BTD: variants seen among roughly 807,000 people sequenced by gnomAD.
The protein encoded by BTD is biotinidase.
BTD carries 13 observed loss-of-function variants against 17.7 expected under a neutral mutation model. That is an observed-to-expected ratio of 0.74 (90% CI 0.48 to 1.17). The LOEUF (loss-of-function observed/expected upper bound fraction) is 1.17, where lower values mean the gene tolerates loss of function less well. Among genes scored for constraint, BTD ranks in the 50% most tolerant of loss-of-function variants. The pLI, the probability that BTD is intolerant of heterozygous loss-of-function variation, is 0.00. For missense variants in BTD, 674 were observed against 650.4 expected (o/e 1.04, Z -0.39); for synonymous variants, 240 against 245.2 (o/e 0.98, Z 0.20).
intron 3 of BTD, among the ~76,000 whole-genome samples, chr3:15,680,894 A>G (rs545068296): frequency 1.3e-5 from 2 of 152,110 alleles, no homozygotes; most frequent in Admixed American, 1.3e-4. Flanking sequence ...CTTGAATCCC[A>G]GAGCTCAAGT....
chr3:15,711,068 C>T (rs575732816), exon 4 of BTD: 37 of 626,138 alleles, frequency 5.9e-5, no homozygotes, highest in Admixed American at 3.0e-4. Context: ...ATTCTGCCAC[C>T]CTGGACTTTT....
chr3:15,709,950 C>T (rs1456253303), intron 3 of BTD, among the ~76,000 whole-genome samples: 4 of 151,974 alleles, frequency 2.6e-5, no homozygotes, highest in Admixed American at 2.0e-4. Flanking sequence ...GGAAATAACA[C>T]ACGATTCATG....
chr3:15,654,356 A>G (rs2065849664), downstream of BTD, among the ~76,000 whole-genome samples: 1 of 152,052 alleles, frequency 6.6e-6, no homozygotes, highest in Non-Finnish European at 1.5e-5. Context: ...GGGGAATAAC[A>G]TGGTCATTTA....
At chr3:15,638,628 C>T (rs1391583446) in intron 2 of BTD, among the ~76,000 whole-genome samples, 1 of 152,190 alleles carries the variant, frequency 6.6e-6, no homozygotes, top group Non-Finnish European at 1.5e-5. Flanking sequence ...TAAGAGGTTC[C>T]TGAGCAAACC....
intron 2 of BTD, among the ~76,000 whole-genome samples, chr3:15,641,236 C>T (rs1479023024): frequency 2.6e-5 from 4 of 152,198 alleles, no homozygotes; most frequent in Non-Finnish European, 5.9e-5. Context: ...TCCTAATTCC[C>T]AGTTGGGGAA....
chr3:15,636,876 A>G (rs967356998), intron 2 of BTD, among the ~76,000 whole-genome samples: 22 of 228 alleles, frequency 0.096, no homozygotes, highest in Admixed American at 0.41. Context: ...TTTTTCAACC[A>G]AGACAACTTT....
At chr3:15,689,759 G>T in intron 3 of BTD, 1 of 316,370 alleles carries the variant, frequency 3.2e-6, no homozygotes, top group Middle Eastern at 9.1e-4. Flanking sequence ...TTTTGTGCTT[G>T]GTTTACTTGG....
rs986565281 is a variant in BTD at position 15,648,357 on chromosome 3, G to A, written c.*2869G>A. 6.6e-6 allele frequency among the ~76,000 whole-genome samples: 1 copy of A among 152,244 alleles called. No individual in the cohort carries two copies. The highest frequency in any genetic ancestry group is 6.5e-5 in the Admixed American group (1 of 15,288). ...ATGTGGCCTGAAGATCTGTGAGTGGGACTGCTTGGGAGGCCATGTTCCTTC... is the reference window on the plus strand; with the variant it reads ...ATGTGGCCTGAAGATCTGTGAGTGGAACTGCTTGGGAGGCCATGTTCCTTC... On this transcript the variant is annotated 3_prime_UTR_variant, in exon 4 of 4. Transcript: ENST00000643237.
intron 3 of BTD, chr3:15,676,871 G>T: frequency 1.2e-6 from 1 of 867,724 alleles, no homozygotes; most frequent in South Asian, 1.8e-5. Context: ...TTGCTTCTAT[G>T]ACTAATGAAA....
At chr3:15,696,525 GTCTC>G (rs1006374150) in intron 3 of BTD, among the ~76,000 whole-genome samples, 18 of 151,918 alleles carry the variant, frequency 1.2e-4, no homozygotes, top group Non-Finnish European at 1.6e-4. Flanking sequence ...CTTTTACACA[GTCTC>G]TATCTATACC....
chr3:15,607,006 T>A (rs1431267301), intron 1 of BTD: 1 of 152,036 alleles, frequency 6.6e-6, no homozygotes, highest in Non-Finnish European at 1.5e-5. Flanking sequence ...GTATTTTATG[T>A]ATGGCCCAAG....
chr3:15,679,153 G>A, intron 3 of BTD: 2 of 662,910 alleles, frequency 3.0e-6, no homozygotes, highest in Admixed American at 5.5e-5. Flanking sequence ...TTTTTTGGTA[G>A]AGATGCAGGT....
chr3:15,675,750 C>G (rs2066869687), intron 3 of BTD: 1 of 581,324 alleles, frequency 1.7e-6, no homozygotes, highest in Non-Finnish European at 2.8e-6. Flanking sequence ...TTTCTTTTGC[C>G]CTTATTCCTT....
intron 3 of BTD, among the ~76,000 whole-genome samples, chr3:15,687,512 T>C (rs962874781): frequency 1.3e-5 from 2 of 152,096 alleles, no homozygotes; most frequent in African/African-American, 4.8e-5. Flanking sequence ...AAGTCTGAAG[T>C]TTAAAGAAAT....
intron 1 of BTD, among the ~76,000 whole-genome samples, chr3:15,609,944 G>A (rs2064565707): frequency 6.6e-6 from 1 of 150,538 alleles, no homozygotes; most frequent in African/African-American, 2.4e-5. Context: ...TGTAACCTGA[G>A]GTTATGAAGA....
At chr3:15,637,858 C>T (rs1344105153) in intron 2 of BTD, among the ~76,000 whole-genome samples, 1 of 152,202 alleles carries the variant, frequency 6.6e-6, no homozygotes, top group African/African-American at 2.4e-5. Context: ...CAATAATCTG[C>T]CCCCAGAGGA....
intron 3 of BTD, among the ~76,000 whole-genome samples, chr3:15,692,529 T>C (rs1292451890): frequency 3.9e-5 from 6 of 152,156 alleles, no homozygotes; most frequent in Non-Finnish European, 7.3e-5. Flanking sequence ...GCCACAGGGC[T>C]TTTCCCCCCA....
At chr3:15,606,810 T>C (rs1310473079) in intron 1 of BTD, 1 of 152,210 alleles carries the variant, frequency 6.6e-6, no homozygotes, top group Non-Finnish European at 1.5e-5. Context: ...AGCAAGTCCT[T>C]TGCAATCCAA....
chr3:15,601,825 A>G lies in BTD; in HGVS notation c.-86A>G. The G allele has an allele frequency of 6.2e-7, 1 of 1,614,058 alleles. No individual in the cohort carries two copies. The highest frequency in any genetic ancestry group is 2.2e-5 in the East Asian group (1 of 44,876). Reference sequence around the variant, plus strand: ...CATTGTCTCCGAGTCGGCCAGCTGGAGCGTTTTCGGGGCTGTAAAGGGAGA... The same window carrying G: ...CATTGTCTCCGAGTCGGCCAGCTGGGGCGTTTTCGGGGCTGTAAAGGGAGA... On this transcript the variant is annotated 5_prime_UTR_variant, in exon 1 of 4. Coordinates refer to ENST00000643237, the MANE Select transcript of BTD (RefSeq NM_001370658.1).
Sources: allele counts gnomAD v4.1 joint callset (sites outside exome capture counted in the v4.1 genomes callset), GRCh38; gene constraint gnomAD v4.1.1; transcripts MANE v1.5; gene names NCBI Gene and HGNC (gene_info 2026-07-23, HGNC 2026-07-21).